The following PLXNB1 variants were observed in gnomAD, a reference collection of about 807,000 sequenced individuals.
The protein encoded by PLXNB1 is plexin-B1.
A neutral mutation model predicts 209.4 loss-of-function variants in PLXNB1; 106 were observed. That is an observed-to-expected ratio of 0.51 (90% CI 0.43 to 0.59). The LOEUF (loss-of-function observed/expected upper bound fraction) is 0.59. PLXNB1 is among the 20% of genes least tolerant of loss of function. PLXNB1 has a pLI of 0.00. For synonymous variants in PLXNB1, 1,167 were observed against 1,183.2 expected (o/e 0.99, Z 0.28); for missense variants, 2,357 against 2,853.2 (o/e 0.83, Z 3.96).
At position 48,419,507 on chromosome 3, in the gene PLXNB1, A is replaced by C. The variant is rs2038342867; in HGVS notation, c.2709+70T>G. ...TCACCTCCTCCCAGTGCAGAATCACAAGGCAAGCTAGGGGTAGCATCTTCC... is the reference window on the plus strand; with the variant it reads ...TCACCTCCTCCCAGTGCAGAATCACCAGGCAAGCTAGGGGTAGCATCTTCC... On this transcript the variant is annotated intron_variant, in intron 11 of 37. Coordinates refer to ENST00000296440, the MANE Select transcript of PLXNB1 (RefSeq NM_001130082.3). This position sits in a 1 kb window ranked among gnomAD's most constrained non-coding sequence, Gnocchi z 5.7. 1 of 1,522,558 alleles carries C rather than the reference A, an allele frequency of 6.6e-7. No homozygotes were observed. The highest frequency in any genetic ancestry group is 1.4e-5 in the African/African-American group (1 of 73,378). 94.3% of individuals were successfully genotyped at this position (1,522,558 alleles called of 1,614,324 possible).
Position 48,422,423 on chromosome 3 carries a change from A to C in PLXNB1, c.1327T>G (p.Ser443Ala), listed in dbSNP as rs139956646. ...LGPGSDGHPY[S>A]TQSIQQGSAV... ...GACCCCTGCTGGATGCTCTGTGTGG[A>C]GTATGGGTGGCCATCGCTCCCTGGG... Residue 443 changes from serine to alanine, a missense_variant, in exon 5 of 38, where the codon TCC becomes GCC. By Grantham distance (99) the Ser-to-Ala change is moderately conservative. Coordinates refer to ENST00000296440, the MANE Select transcript of PLXNB1 (RefSeq NM_001130082.3). The C allele has an allele frequency of 1.5e-4, 246 of 1,600,546 alleles. No homozygotes were observed. Among genetic ancestry groups the C allele is most frequent in the Middle Eastern group, 1.7e-4 (1 of 6,046 alleles).
rs778722490 is a variant in PLXNB1 at position 48,405,814 on chromosome 3, A to G, written c.6229-16T>C. The G allele has an allele frequency of 8.3e-5, 134 of 1,609,636 alleles. No individual in the cohort carries two copies. The highest frequency in any genetic ancestry group is 1.1e-4 in the Non-Finnish European group (124 of 1,176,650). On this transcript the variant is annotated splice_polypyrimidine_tract_variant and intron_variant, in intron 36 of 37. Coordinates refer to ENST00000296440, the MANE Select transcript of PLXNB1 (RefSeq NM_001130082.3). This position sits in a 1 kb window ranked among gnomAD's most constrained non-coding sequence, Gnocchi z 5.0. ...CGGAGTAGTTCTAGGGAAGAGGCCA[A>G]ATGAAAGGTGAGAGAGACGAGGGGT...
chr3:48,412,153 C>T (rs374910368), intron 27 of PLXNB1, 85 bp downstream of exon 27: 9 of 1,501,334 alleles, frequency 6.0e-6, no homozygotes, highest in South Asian at 3.4e-5. Flanking sequence ...CACAAGTGTC[C>T]GAGCTGCATG....
chr3:48,409,705 G>GT lies in PLXNB1; in HGVS notation c.5804dup (p.Asp1935GlufsTer22). On this transcript the variant is annotated frameshift_variant, in exon 33 of 38. Transcript: ENST00000296440. LOFTEE classifies it high-confidence loss of function. This position sits in a 1 kb window ranked among gnomAD's most constrained non-coding sequence, Gnocchi z 5.8. ...TGGTGCTGAGAATCACCTGGAACAG[G>GT]TCATCCACGAACTTCTGCAGGGTGC... 6.2e-7 allele frequency: 1 copy of GT among 1,613,818 alleles called. No homozygotes were observed. The highest frequency in any genetic ancestry group is 8.5e-7 in the Non-Finnish European group (1 of 1,180,014).
In PLXNB1 at chr3:48,419,198, A is replaced by G. The variant is rs756764438; in HGVS notation, c.2832+46T>C. On this transcript the variant is annotated intron_variant, in intron 12 of 37. Transcript: ENST00000296440. This position sits in a 1 kb window ranked among gnomAD's most constrained non-coding sequence, Gnocchi z 5.7. ...CCCAGGGCTTGTGCAGAGTTTCTCA[A>G]CAGCTAAGGAGGCTGCAAGGACAGC... 1.3e-6 allele frequency: 2 copies of G among 1,547,092 alleles called. No individual in the cohort carries two copies. The highest frequency in any genetic ancestry group is 2.7e-5 in the African/African-American group (2 of 73,352).
At position 48,407,867 on chromosome 3, in the gene PLXNB1, C is replaced by T. The variant is rs556510091; in HGVS notation, c.6088-776G>A. 7.9e-5 allele frequency among the ~76,000 whole-genome samples: 12 copies of T among 152,340 alleles called. No homozygotes were observed. In the South Asian group the frequency reaches 2.5e-3, roughly 32 times the overall value. On this transcript the variant is annotated intron_variant, in intron 34 of 37. Coordinates refer to ENST00000296440, the MANE Select transcript of PLXNB1 (RefSeq NM_001130082.3). The stretch of plus-strand genomic sequence containing the variant: ...AAGGATCTGGCAAAAATCCCAGCCA[C>T]CACATAGGGTCTACCCTGGAGGTGG...
chr3:48,421,092 T>G, intron 8 of PLXNB1, 136 bp from the exon 9 acceptor site: 1 of 1,289,656 alleles, frequency 7.8e-7, no homozygotes, highest in Non-Finnish European at 1.1e-6. Flanking sequence ...AATGGAGGCT[T>G]CAGGTGGTTG....
chr3:48,426,205 G>A (rs1470071422), intron 1 of PLXNB1, among the ~76,000 whole-genome samples: 2 of 152,234 alleles, frequency 1.3e-5, no homozygotes, highest in African/African-American at 2.4e-5. Flanking sequence ...ATGCCTGGCT[G>A]TTCCCAGGCC....
Position 48,415,517 on chromosome 3 carries a change from C to T in PLXNB1, c.3794+66G>A. The T allele has an allele frequency of 1.4e-6, 2 of 1,478,986 alleles. No individual in the cohort carries two copies. Among genetic ancestry groups the T allele is most frequent in the Non-Finnish European group, 1.8e-6 (2 of 1,093,286 alleles). 91.6% of individuals were successfully genotyped at this position (1,478,986 alleles called of 1,614,324 possible). A position where few individuals can be genotyped will look rare whatever the true frequency, so the allele number is the denominator to read the frequency against. ...GCCTCAACATAAAGCCCTACAAACC[C>T]CCACATAGTGGAGCTGCAAAGACCT... On this transcript the variant is annotated intron_variant, in intron 19 of 37. Transcript: ENST00000296440. This position sits in a 1 kb window ranked among gnomAD's most constrained non-coding sequence, Gnocchi z 5.0.
In PLXNB1 at chr3:48,418,192, G is replaced by A. The variant is rs1448468218; in HGVS notation, c.3221C>T (p.Ser1074Leu). The A allele has an allele frequency of 1.6e-5, 26 of 1,609,974 alleles. No individual in the cohort carries two copies. The highest frequency in any genetic ancestry group is 1.6e-4 in the Middle Eastern group (1 of 6,080). Reference protein sequence around the residue: ...ATQCPAPLIHSVEPLTGPVDG... With the variant: ...ATQCPAPLIHLVEPLTGPVDG... ...GGGATGGCCAGCCTTTCAACAAACC[G>A]AGTGGATGAGGGGCGCTGGGCACTG... The change falls in exon 15 of 38, where the codon TCG becomes TTG. Residue 1074 changes from serine to leucine, a missense_variant and splice_region_variant. Ser to Leu is a moderately radical substitution (Grantham distance 145, BLOSUM62 -2). Transcript: ENST00000296440. This position sits in a 1 kb window ranked among gnomAD's most constrained non-coding sequence, Gnocchi z 6.6.
chr3:48,412,699 G>C (rs371931709), intron 25 of PLXNB1, 43 bp downstream of exon 25: 20 of 1,604,098 alleles, frequency 1.2e-5, no homozygotes, highest in Non-Finnish European at 1.7e-5. Context: ...CCTGGAGAAG[G>C]GGCAGGGCCA....
chr3:48,417,921 C>A lies in PLXNB1; in HGVS notation c.3364G>T (p.Val1122Phe). 1 of 1,610,546 alleles carries A rather than the reference C, an allele frequency of 6.2e-7. No homozygotes were observed. The highest frequency in any genetic ancestry group is 1.7e-4 in the Middle Eastern group (1 of 5,980). The change falls in exon 16 of 38, where the codon GTC becomes TTC. Residue 1122 changes from valine (V) to phenylalanine (F), a missense_variant. Physicochemically the swap from Val to Phe is conservative, Grantham distance 50. Coordinates refer to ENST00000296440, the MANE Select transcript of PLXNB1 (RefSeq NM_001130082.3). This position sits in a 1 kb window ranked among gnomAD's most constrained non-coding sequence, Gnocchi z 4.4. ...PCAVDAQEYE[V>F]SSSLVCITGA... is the part of the protein sequence containing the mutation. ...GTGCAGCCAGCTTACCTGCTGGAGA[C>A]CTCGTACTCCTGGGCATCCACAGCA...
At chr3:48,427,084 T>C (rs1226402231) in intron 1 of PLXNB1, among the ~76,000 whole-genome samples, 2 of 152,176 alleles carry the variant, frequency 1.3e-5, no homozygotes, top group Non-Finnish European at 2.9e-5. Context: ...CGTGCCAAAG[T>C]TCTCCAGCCC....
rs200235284 is a variant in PLXNB1 at position 48,410,438 on chromosome 3, G to A, written c.5520+17C>T. On this transcript the variant is annotated intron_variant, in intron 30 of 37. Transcript: ENST00000296440. This position sits in a 1 kb window ranked among gnomAD's most constrained non-coding sequence, Gnocchi z 6.4. ...TCCCACCCCACCATGCCCTCCTCCA[G>A]CTCCCACTCCTCCTACCTTGTAATG... 613 of 1,611,966 alleles carry A rather than the reference G, an allele frequency of 3.8e-4. No homozygotes were observed. Among genetic ancestry groups the A allele is most frequent in the Non-Finnish European group, 4.9e-4 (575 of 1,178,228 alleles).
chr3:48,412,749 A>T lies in PLXNB1; in HGVS notation c.4847T>A (p.Leu1616His). 1 of 1,612,192 alleles carries T rather than the reference A, an allele frequency of 6.2e-7. No individual in the cohort carries two copies. The highest frequency in any genetic ancestry group is 8.5e-7 in the Non-Finnish European group (1 of 1,178,986). Residue 1616 changes from leucine to histidine, a missense_variant, in exon 25 of 38, where the codon CTC (leucine) becomes CAC (histidine). This residue lies in a region of PLXNB1 where 743 missense variants were observed against 896.2 expected (regional missense o/e 0.83). Transcript: ENST00000296440. ...LSNLLNSKLF[L>H]TKFIHTLESQ... The stretch of plus-strand genomic sequence containing the variant: ...AGATGCAGCTGGGGGTACCTTGGTG[A>T]GGAAGAGCTTGCTGTTGAGCAGGTT...
In PLXNB1 at chr3:48,409,206, T is replaced by C. The variant is rs1261275442; in HGVS notation, c.6087+123A>G. On this transcript the variant is annotated intron_variant, in intron 34 of 37. Transcript: ENST00000296440. This position sits in a 1 kb window ranked among gnomAD's most constrained non-coding sequence, Gnocchi z 5.8. Reference sequence around the variant, plus strand: ...GGTGGCCCCGGGATGAAGCCTTGGCTTGGGAGGTCAGAGGTCTCCCCTAAG... The same window carrying C: ...GGTGGCCCCGGGATGAAGCCTTGGCCTGGGAGGTCAGAGGTCTCCCCTAAG... 8.7e-7 allele frequency: 1 copy of C among 1,148,520 alleles called. No individual in the cohort carries two copies. The highest frequency in any genetic ancestry group is 1.2e-6 in the Non-Finnish European group (1 of 814,996). 71.1% of individuals were successfully genotyped at this position (1,148,520 alleles called of 1,614,324 possible). A position where few individuals can be genotyped will look rare whatever the true frequency, so the allele number is the denominator to read the frequency against.
Position 48,405,873 on chromosome 3 carries a change from G to GCCCTTCCCTGGGGTCCT in PLXNB1, c.6229-76_6229-75insAGGACCCCAGGGAAGGG. 8.5e-7 allele frequency: 1 copy of GCCCTTCCCTGGGGTCCT among 1,173,928 alleles called. No individual in the cohort carries two copies. The highest frequency in any genetic ancestry group is 1.3e-6 in the Non-Finnish European group (1 of 792,914). The allele number at this position is 1,173,928 out of a possible 1,614,324, so 72.7% of individuals were successfully genotyped here. A position where few individuals can be genotyped will look rare whatever the true frequency, so the allele number is the denominator to read the frequency against. Reference sequence around the variant, plus strand: ...CCACAGGAGGCAGCCCAGGACCCCAGGGAAGGGCTGGGGGAGAAGGGGACC... The same window carrying GCCCTTCCCTGGGGTCCT: ...CCACAGGAGGCAGCCCAGGACCCCAGCCCTTCCCTGGGGTCCTGGAAGGGCTGGGGGAGAAGGGGACC... On this transcript the variant is annotated intron_variant, in intron 36 of 37. Coordinates refer to ENST00000296440, the MANE Select transcript of PLXNB1 (RefSeq NM_001130082.3). The surrounding 1 kb of genome is among the most constrained non-coding windows in gnomAD (Gnocchi z 5.0).
At chr3:48,421,513 G>A in intron 7 of PLXNB1, 129 bp from the exon 8 acceptor site, 1 of 1,233,904 alleles carries the variant, frequency 8.1e-7, no homozygotes, top group South Asian at 1.5e-5. Flanking sequence ...ACACCCTCTG[G>A]CCTGAGTTAG....
chr3:48,408,030 A>G (rs769168248), intron 34 of PLXNB1, among the ~76,000 whole-genome samples: 4 of 152,218 alleles, frequency 2.6e-5, no homozygotes, highest in Non-Finnish European at 5.9e-5. Context: ...GTTTTCAGAC[A>G]GGGTCTCGCT....
Sources: allele counts gnomAD v4.1 joint callset (sites outside exome capture counted in the v4.1 genomes callset), GRCh38; gene constraint gnomAD v4.1.1; regional missense constraint gnomAD v4.1.1; non-coding constraint Gnocchi (gnomAD v3.1); transcripts MANE v1.5; gene names NCBI Gene and HGNC (gene_info 2026-07-23, HGNC 2026-07-21).